The following TTK variants were observed in gnomAD, a reference collection of about 807,000 sequenced individuals.
The protein encoded by TTK is TTK protein kinase, also known as dual specificity protein kinase TTK.
In TTK, 59 loss-of-function variants were observed where a neutral mutation model predicts 117.3. The ratio of observed to expected loss-of-function variants is 0.50; its 90% CI spans 0.41 to 0.62. The LOEUF (loss-of-function observed/expected upper bound fraction) is 0.62. TTK is among the 20% of genes least tolerant of loss of function. The pLI, the probability that TTK is intolerant of heterozygous loss-of-function variation, is 0.00. For missense variants in TTK, 921 were observed against 989.4 expected, an observed-to-expected ratio of 0.93 and a Z score of 0.93; for synonymous variants, 302 against 325.0, an observed-to-expected ratio of 0.93 and a Z score of 0.76.
chr6:80,025,406 G>T (rs1004488951), intron 11 of TTK, among the ~76,000 whole-genome samples: 1 of 152,212 alleles, frequency 6.6e-6, no homozygotes, highest in African/African-American at 2.4e-5. Context: ...ATGAGGACCA[G>T]TGTGTTGAAA....
chr6:80,036,681 T>C, intron 17 of TTK, 82 bp downstream of exon 17: 1 of 1,395,028 alleles, frequency 7.2e-7, no homozygotes, highest in Non-Finnish European at 9.5e-7. Flanking sequence ...ATGAGTGTTA[T>C]ATTTTTAATC....
chr6:80,039,939 A>C, intron 19 of TTK, 67 bp downstream of exon 19: 1 of 1,278,474 alleles, frequency 7.8e-7, no homozygotes, highest in Non-Finnish European at 1.0e-6. Flanking sequence ...GGAATTATGT[A>C]ACTGGCTTAG....
At chr6:80,021,017 G>T (rs1767444941) in intron 10 of TTK, among the ~76,000 whole-genome samples, 1 of 152,170 alleles carries the variant, frequency 6.6e-6, no homozygotes, top group African/African-American at 2.4e-5. Flanking sequence ...ATGGCAAAGA[G>T]ACCCAAATGG....
At chr6:80,024,559 G>A (rs1767554649) in intron 11 of TTK, among the ~76,000 whole-genome samples, 1 of 152,206 alleles carries the variant, frequency 6.6e-6, no homozygotes, top group African/African-American at 2.4e-5. Context: ...CAAATCCATA[G>A]AGGTGGAAAG....
At chr6:80,039,107 A>G (rs1767980116) in intron 18 of TTK, among the ~76,000 whole-genome samples, 1 of 152,074 alleles carries the variant, frequency 6.6e-6, no homozygotes, top group Non-Finnish European at 1.5e-5. Context: ...AAATGATTGG[A>G]ATTGTGTAAT....
At chr6:80,017,786 A>G (rs536633793) in intron 10 of TTK, among the ~76,000 whole-genome samples, 2 of 152,326 alleles carry the variant, frequency 1.3e-5, no homozygotes, top group African/African-American at 2.4e-5. Context: ...AGAAACTGAC[A>G]TCTTTACAAT....
chr6:80,039,873 G>A lies in TTK; in HGVS notation c.2307+1G>A. 1 of 1,525,532 alleles carries A rather than the reference G, an allele frequency of 6.6e-7. No individual in the cohort carries two copies. The highest frequency in any genetic ancestry group is 8.8e-7 in the Non-Finnish European group (1 of 1,140,186). 94.5% of individuals were successfully genotyped at this position (1,525,532 alleles called of 1,614,324 possible). On this transcript the variant is annotated splice_donor_variant, in intron 19 of 21. Transcript: ENST00000369798. LOFTEE classifies it high-confidence loss of function. ...GAAAGATCTTCAAGATGTGTTAAAG[G>A]TAATATTAATTTCATGTAACTAATT...
chr6:80,018,152 C>T (rs1302013684), intron 10 of TTK, among the ~76,000 whole-genome samples: 2 of 151,038 alleles, frequency 1.3e-5, no homozygotes, highest in Non-Finnish European at 2.9e-5. Context: ...CACTGCACTC[C>T]AGCCTGGGTG....
At chr6:80,016,653 A>C (rs1258153596) in intron 10 of TTK, among the ~76,000 whole-genome samples, 1 of 152,136 alleles carries the variant, frequency 6.6e-6, no homozygotes, top group African/African-American at 2.4e-5. Flanking sequence ...TGTAAGGGAA[A>C]ACGCATAATT....
chr6:80,030,978 G>A (rs938551243), intron 13 of TTK, among the ~76,000 whole-genome samples: 4 of 151,444 alleles, frequency 2.6e-5, no homozygotes, highest in Admixed American at 2.0e-4. Context: ...CTGGGAGGCA[G>A]AGGGTGCAGT....
At chr6:80,012,664 T>G (rs1212916915) in intron 8 of TTK, among the ~76,000 whole-genome samples, 2 of 152,106 alleles carry the variant, frequency 1.3e-5, no homozygotes, top group African/African-American at 4.8e-5. Context: ...CGATTGTTTT[T>G]CATTACTATC....
intron 13 of TTK, among the ~76,000 whole-genome samples, chr6:80,028,245 A>T (rs555246347): frequency 6.6e-6 from 1 of 152,170 alleles, no homozygotes; most frequent in South Asian, 2.1e-4. Context: ...ATCCAGTTTG[A>T]ATAGCTGGAT....
In TTK at chr6:80,036,569, A is replaced by G. The variant is rs1185305985; in HGVS notation, c.2019A>G (p.Pro673=). Reference sequence around the variant, plus strand: ...TTGGGATTGCAAACCAAATGCAACCAGATACAACAAGTGTTGTTAAAGATT... The same window carrying G: ...TTGGGATTGCAAACCAAATGCAACCGGATACAACAAGTGTTGTTAAAGATT... ...IDFGIANQMQ[P]DTTSVVKDSQ... is the part of the protein sequence containing the mutation. The change falls in exon 17 of 22, where the codon CCA becomes CCG. Residue 673 remains proline (P), a synonymous_variant. Transcript: ENST00000369798. The G allele has an allele frequency of 5.0e-6, 8 of 1,611,254 alleles. No homozygotes were observed. Among genetic ancestry groups the G allele is most frequent in the Non-Finnish European group, 6.8e-6 (8 of 1,178,662 alleles).
chr6:80,039,331 CTG>C (rs929972304), intron 18 of TTK, among the ~76,000 whole-genome samples: 3 of 151,876 alleles, frequency 2.0e-5, no homozygotes, highest in African/African-American at 7.2e-5. Flanking sequence ...ACCTTTGAAA[CTG>C]TATACATACT....
intron 11 of TTK, among the ~76,000 whole-genome samples, chr6:80,025,260 T>C (rs192145874): frequency 6.6e-6 from 1 of 152,304 alleles, no homozygotes; most frequent in African/African-American, 2.4e-5. Context: ...TTAAAATATG[T>C]GCGTGCTTGT....
intron 9 of TTK, 94 bp from the exon 10 acceptor site, chr6:80,014,369 C>T (rs1767247452): frequency 8.7e-7 from 1 of 1,153,348 alleles, no homozygotes; most frequent in South Asian, 2.5e-5. Flanking sequence ...TATGAGCAAT[C>T]CATGTATAGA....
At chr6:80,029,919 G>T (rs1767708677) in intron 13 of TTK, among the ~76,000 whole-genome samples, 1 of 152,164 alleles carries the variant, frequency 6.6e-6, no homozygotes, top group Non-Finnish European at 1.5e-5. Context: ...TCTTCCCTTG[G>T]CAATGTTCAC....
At chr6:80,035,692 A>C (rs189220855) in intron 16 of TTK, among the ~76,000 whole-genome samples, 73 of 152,248 alleles carry the variant, frequency 4.8e-4, no homozygotes, top group African/African-American at 1.5e-3. Flanking sequence ...ATCTCCAAAT[A>C]CTTGGATTAT....
In TTK at chr6:80,005,878, C is replaced by T; in HGVS notation, c.35C>T (p.Thr12Ile). 16 of 1,612,186 alleles carry T rather than the reference C, an allele frequency of 9.9e-6. No homozygotes were observed. Among genetic ancestry groups the T allele is most frequent in the Non-Finnish European group, 1.4e-5 (16 of 1,179,486 alleles). The change falls in exon 2 of 22, where the codon ACA becomes ATA. Residue 12 changes from threonine (T) to isoleucine (I), a missense_variant. Transcript: ENST00000369798. ...GAGGATTTAAGTGGCAGAGAATTGACAATTGATTCCATAATGAACAAAGTG... is the reference window on the plus strand; with the variant it reads ...GAGGATTTAAGTGGCAGAGAATTGATAATTGATTCCATAATGAACAAAGTG... ...ESEDLSGREL[T>I]IDSIMNKVRD...
Sources: allele counts gnomAD v4.1 joint callset (sites outside exome capture counted in the v4.1 genomes callset), GRCh38; gene constraint gnomAD v4.1.1; transcripts MANE v1.5; gene names NCBI Gene and HGNC (gene_info 2026-07-23, HGNC 2026-07-21).